The following ADAMTSL1 variants were observed in gnomAD, a reference collection of about 807,000 sequenced individuals.
ADAMTSL1 encodes ADAMTS like 1.
Under a neutral mutation model 201.8 loss-of-function variants are expected in ADAMTSL1, and 126 were observed. The ratio of observed to expected loss-of-function variants is 0.62; its 90% CI spans 0.54 to 0.72. The LOEUF (loss-of-function observed/expected upper bound fraction) is 0.72. ADAMTSL1 is among the 30% of genes least tolerant of loss of function. The pLI, the probability that ADAMTSL1 is intolerant of heterozygous loss-of-function variation, is 0.00. For missense variants in ADAMTSL1, 2,679 were observed against 2,277.8 expected, an observed-to-expected ratio of 1.18 and a Z score of -3.59; for synonymous variants, 1,121 against 903.4, an observed-to-expected ratio of 1.24 and a Z score of -4.32.
At chr9:18,236,874 A>G (rs1429327388) in intron 2 of ADAMTSL1, among the ~76,000 whole-genome samples, 1 of 152,230 alleles carries the variant, frequency 6.6e-6, no homozygotes, top group East Asian at 1.9e-4. Context: ...TCTTAAAGAA[A>G]TACAAAGGAT....
chr9:18,758,310 C>T (rs1406321707), intron 16 of ADAMTSL1, among the ~76,000 whole-genome samples: 1 of 152,206 alleles, frequency 6.6e-6, no homozygotes, highest in Admixed American at 6.5e-5. Context: ...GTTTACAGAA[C>T]ACTCGGTATT....
intron 1 of ADAMTSL1, among the ~76,000 whole-genome samples, chr9:17,992,868 T>G (rs1187166953): frequency 2.6e-5 from 4 of 152,188 alleles, no homozygotes; most frequent in African/African-American, 7.2e-5. Flanking sequence ...CTAACTTATT[T>G]TTGTTACATT....
chr9:18,231,061 C>T (rs1402733834), intron 2 of ADAMTSL1, among the ~76,000 whole-genome samples: 2 of 152,156 alleles, frequency 1.3e-5, no homozygotes, highest in African/African-American at 2.4e-5. Context: ...TTTTCTCATA[C>T]TGGACGTCCC....
chr9:18,285,244 T>C (rs1019486595), intron 2 of ADAMTSL1, among the ~76,000 whole-genome samples: 1 of 152,170 alleles, frequency 6.6e-6, no homozygotes, highest in Non-Finnish European at 1.5e-5. Flanking sequence ...TAGTAAGGAA[T>C]AAAATCATAA....
chr9:18,085,684 C>CTG (rs755400882), intron 1 of ADAMTSL1, among the ~76,000 whole-genome samples: 25 of 148,264 alleles, frequency 1.7e-4, no homozygotes, highest in African/African-American at 5.2e-4. Context: ...TACATATACT[C>CTG]TGTGTGTGTG....
intron 2 of ADAMTSL1, among the ~76,000 whole-genome samples, chr9:18,211,810 G>GA (rs780975471): frequency 6.6e-6 from 1 of 152,124 alleles, no homozygotes; most frequent in East Asian, 1.9e-4. Flanking sequence ...ATGTTCCATT[G>GA]AAAATCAGAT....
At chr9:18,340,643 TG>T (rs1307709209) in intron 2 of ADAMTSL1, among the ~76,000 whole-genome samples, 1 of 152,152 alleles carries the variant, frequency 6.6e-6, no homozygotes, top group African/African-American at 2.4e-5. Context: ...AATTGAATCA[TG>T]GGGATGGGTT....
At chr9:18,270,316 A>G (rs1459023036) in intron 2 of ADAMTSL1, among the ~76,000 whole-genome samples, 7 of 152,086 alleles carry the variant, frequency 4.6e-5, no homozygotes, top group Admixed American at 3.9e-4. Flanking sequence ...ACTCCCCAAT[A>G]CCATCATCGA....
intron 1 of ADAMTSL1, among the ~76,000 whole-genome samples, chr9:17,943,412 T>C (rs1269847304): frequency 6.6e-6 from 1 of 152,174 alleles, no homozygotes; most frequent in Non-Finnish European, 1.5e-5. Flanking sequence ...GGGGTAAAGA[T>C]CATTCTCACC....
intron 1 of ADAMTSL1, among the ~76,000 whole-genome samples, chr9:18,087,648 C>T (rs962894304): frequency 1.3e-5 from 2 of 151,718 alleles, no homozygotes; most frequent in South Asian, 2.1e-4. Context: ...AAAGTTGTAT[C>T]GTAATTTAAC....
intron 2 of ADAMTSL1, among the ~76,000 whole-genome samples, chr9:18,279,044 G>T (rs1391778086): frequency 6.6e-6 from 1 of 151,812 alleles, no homozygotes; most frequent in Non-Finnish European, 1.5e-5. Context: ...CCTCTTTATT[G>T]AATGTCTTCT....
At chr9:18,724,909 C>CCCT (rs1817774734) in intron 15 of ADAMTSL1, among the ~76,000 whole-genome samples, 3 of 148,434 alleles carry the variant, frequency 2.0e-5, no homozygotes, top group Admixed American at 6.8e-5. Flanking sequence ...AGGATTGAAC[C>CCCT]TTTTTTTTTT....
At chr9:18,440,882 T>C (rs1231250796) in intron 2 of ADAMTSL1, among the ~76,000 whole-genome samples, 2 of 152,174 alleles carry the variant, frequency 1.3e-5, no homozygotes, top group Admixed American at 1.3e-4. Context: ...GGTTAATCTT[T>C]TTCTTAACAC....
At chr9:18,005,201 G>A (rs540923275) in intron 1 of ADAMTSL1, among the ~76,000 whole-genome samples, 1 of 152,134 alleles carries the variant, frequency 6.6e-6, no homozygotes, top group South Asian at 2.1e-4. Flanking sequence ...AAGGAGAGAA[G>A]ATAGTGAGGC....
At chr9:18,253,731 T>A (rs1473352465) in intron 2 of ADAMTSL1, among the ~76,000 whole-genome samples, 1 of 152,150 alleles carries the variant, frequency 6.6e-6, no homozygotes. Context: ...TTTAATCCAA[T>A]TTGATGCTTT....
intron 23 of ADAMTSL1, among the ~76,000 whole-genome samples, chr9:18,886,219 CATACAT>C (rs1828881633): frequency 8.2e-6 from 1 of 121,286 alleles, no homozygotes; most frequent in South Asian, 2.7e-4. Flanking sequence ...TATACACACA[CATACAT>C]ATACATACAT....
At chr9:18,713,005 CA>C (rs1832707755) in intron 14 of ADAMTSL1, among the ~76,000 whole-genome samples, 1 of 151,804 alleles carries the variant, frequency 6.6e-6, no homozygotes, top group African/African-American at 2.4e-5. Context: ...AACTAAGCTT[CA>C]TAAATGAAGA....
At chr9:18,836,409 G>A (rs12349413) in intron 23 of ADAMTSL1, among the ~76,000 whole-genome samples, 3,938 of 152,130 alleles carry the variant, frequency 0.026, 159 homozygotes, top group African/African-American at 0.088. Flanking sequence ...AGTTGCTTTT[G>A]CTGTGCAGAA....
intron 8 of ADAMTSL1, among the ~76,000 whole-genome samples, chr9:18,658,799 G>C (rs1177798729): frequency 6.6e-6 from 1 of 152,076 alleles, no homozygotes; most frequent in African/African-American, 2.4e-5. Flanking sequence ...AAATCATTTA[G>C]TTCCTTTAAC....
Sources: gnomAD v4.1 joint callset for allele counts (sites outside exome capture counted in the v4.1 genomes callset) on GRCh38, gnomAD v4.1.1 for gene constraint, MANE v1.5 for transcripts, NCBI Gene and HGNC (gene_info 2026-07-23, HGNC 2026-07-21) for gene names.